NT5C2: variants seen among roughly 807,000 people sequenced by gnomAD.
The protein encoded by NT5C2 is cytosolic purine 5'-nucleotidase.
NT5C2 carries 58 observed loss-of-function variants against 76.1 expected under a neutral mutation model. That is an observed-to-expected ratio of 0.76 (90% CI 0.62 to 0.95). The LOEUF is 0.95. Ranked by LOEUF, NT5C2 falls within the 40% of genes least tolerant of loss-of-function variation. NT5C2 has a pLI of 0.00. For synonymous variants in NT5C2, 229 were observed against 237.4 expected (o/e 0.96, Z 0.32); for missense variants, 478 against 690.3 (o/e 0.69, Z 3.45).
chr10:103,101,246 A>T lies in NT5C2; in HGVS notation c.470T>A (p.Phe157Tyr). 1 of 1,593,648 alleles carries T rather than the reference A, an allele frequency of 6.3e-7. No individual in the cohort carries two copies. Among genetic ancestry groups the T allele is most frequent in the Non-Finnish European group, 8.6e-7 (1 of 1,161,772 alleles). Residue 157 changes from phenylalanine to tyrosine, a missense_variant, in exon 7 of 19, where the codon TTC (phenylalanine) becomes TAC (tyrosine). Coordinates refer to ENST00000404739, the MANE Select transcript of NT5C2 (RefSeq NM_001351169.2). ...TAGAATGAATCTACCTGGTAGGTTGAATAGTGTGTTCAGAATGTAAAATCT... is the reference window on the plus strand; with the variant it reads ...TAGAATGAATCTACCTGGTAGGTTGTATAGTGTGTTCAGAATGTAAAATCT... ...TERFYILNTL[F>Y]NLPETYLLAC...
At chr10:103,094,100 C>T (rs1375601189) in intron 13 of NT5C2, 62 bp from the exon 14 acceptor site, 2 of 1,342,038 alleles carry the variant, frequency 1.5e-6, no homozygotes, top group East Asian at 2.3e-5. Flanking sequence ...CCCCTCACCC[C>T]ACAACCCTCC....
intron 3 of NT5C2, among the ~76,000 whole-genome samples, chr10:103,163,414 A>G (rs1322924587): frequency 1.3e-5 from 2 of 152,218 alleles, no homozygotes; most frequent in Admixed American, 1.3e-4. Context: ...GAGAAGTTCC[A>G]GTGGCTCCAC....
intron 3 of NT5C2, chr10:103,153,150 A>G: frequency 2.3e-6 from 1 of 432,924 alleles, no homozygotes; most frequent in East Asian, 1.0e-4. Flanking sequence ...AAACACTATA[A>G]GATTTGGGCT....
Position 103,099,931 on chromosome 10 carries a change from A to G in NT5C2, c.628T>C (p.Tyr210His), listed in dbSNP as rs1228743384. 1 of 1,605,728 alleles carries G rather than the reference A, an allele frequency of 6.2e-7. No homozygotes were observed. Among genetic ancestry groups the G allele is most frequent in the Non-Finnish European group, 8.5e-7 (1 of 1,172,554 alleles). The change falls in exon 9 of 19, where the codon TAC becomes CAC. Residue 210 changes from tyrosine to histidine, a missense_variant. By Grantham distance (83) the Tyr-to-His change is moderately conservative. Coordinates refer to ENST00000404739, the MANE Select transcript of NT5C2 (RefSeq NM_001351169.2). ...AAGAAACAGCTTCTAGGTACCTTGT[A>G]ATGAACCCAGTCAACAGCATCTCTT... Reference protein sequence around the residue: ...DVRDAVDWVHYKGSLKEKTVE... With the variant: ...DVRDAVDWVHHKGSLKEKTVE...
intron 4 of NT5C2, among the ~76,000 whole-genome samples, chr10:103,113,551 T>A (rs2073591365): frequency 6.6e-6 from 1 of 152,010 alleles, no homozygotes; most frequent in African/African-American, 2.4e-5. Flanking sequence ...TATACTAAAG[T>A]TAGAAGAATT....
At chr10:103,116,278 T>C (rs971690116) in intron 4 of NT5C2, among the ~76,000 whole-genome samples, 5 of 152,202 alleles carry the variant, frequency 3.3e-5, no homozygotes, top group Non-Finnish European at 7.4e-5. Context: ...TAACAACTTT[T>C]GCTATTTTGG....
chr10:103,105,560 ATAAC>A (rs2071022693), intron 6 of NT5C2, 142 bp downstream of exon 6: 2 of 607,270 alleles, frequency 3.3e-6, no homozygotes, highest in African/African-American at 1.8e-5. Flanking sequence ...TGCCTAATAA[ATAAC>A]TGTTAACTAA....
intron 1 of NT5C2, among the ~76,000 whole-genome samples, chr10:103,191,743 A>C (rs894131199): frequency 6.7e-6 from 1 of 148,686 alleles, no homozygotes; most frequent in African/African-American, 2.5e-5. Context: ...CCTCCACCTT[A>C]TTTTACAGAT....
intron 4 of NT5C2, among the ~76,000 whole-genome samples, chr10:103,123,607 C>T (rs990735443): frequency 2.6e-5 from 4 of 152,100 alleles, no homozygotes; most frequent in Non-Finnish European, 4.4e-5. Flanking sequence ...TTTTCTAGTA[C>T]GTTTAATAAA....
intron 4 of NT5C2, among the ~76,000 whole-genome samples, chr10:103,134,447 G>A (rs895809265): frequency 1.3e-5 from 2 of 152,242 alleles, no homozygotes; most frequent in Admixed American, 6.5e-5. Flanking sequence ...CTTCCATGTG[G>A]TGTTGAGCCT....
chr10:103,110,324 C>T (rs560840793), intron 4 of NT5C2, among the ~76,000 whole-genome samples: 1 of 152,238 alleles, frequency 6.6e-6, no homozygotes, highest in South Asian at 2.1e-4. Context: ...GGCGTGGTGG[C>T]TCGCACCTGC....
chr10:103,129,163 G>A (rs2077390274), intron 4 of NT5C2, among the ~76,000 whole-genome samples: 1 of 112,798 alleles, frequency 8.9e-6, no homozygotes, highest in Non-Finnish European at 2.0e-5. Context: ...CCCCGTCCGG[G>A]AGGTGAGGGG....
intron 3 of NT5C2, among the ~76,000 whole-genome samples, chr10:103,165,942 T>G (rs1455619194): frequency 6.6e-6 from 1 of 152,242 alleles, no homozygotes; most frequent in Non-Finnish European, 1.5e-5. Context: ...AGTGCTGGGA[T>G]TACAGGCGTG....
intron 1 of NT5C2, among the ~76,000 whole-genome samples, chr10:103,183,241 T>G (rs1480742544): frequency 8.4e-6 from 1 of 119,554 alleles, no homozygotes; most frequent in Non-Finnish European, 1.8e-5. Context: ...TGAAAGGAGA[T>G]ATATATATAT....
At position 103,090,970 on chromosome 10, in the gene NT5C2, C is replaced by T. The variant is rs558105444; in HGVS notation, c.1238G>A (p.Arg413His). The T allele has an allele frequency of 3.1e-6, 5 of 1,613,822 alleles. No homozygotes were observed. Among genetic ancestry groups the T allele is most frequent in the East Asian group, 4.5e-5 (2 of 44,890 alleles). The change falls in exon 17 of 19, where the codon CGT (arginine) becomes CAT (histidine). Residue 413 changes from arginine to histidine, a missense_variant. Physicochemically the swap from Arg to His is conservative, Grantham distance 29 (BLOSUM62 0). Transcript: ENST00000404739. ...YKHLDSSSNERPDISSIQRRI... is the reference protein window; with the variant it reads ...YKHLDSSSNEHPDISSIQRRI... ...TCTCTGGATGGAACTGATGTCTGGA[C>T]GCTCATTGCTACTGCTGTCAAGATG...
At chr10:103,107,502 C>G (rs191913021) in intron 4 of NT5C2, among the ~76,000 whole-genome samples, 29 of 151,820 alleles carry the variant, frequency 1.9e-4, no homozygotes, top group Middle Eastern at 6.8e-3. Context: ...TGGTGAAACC[C>G]CCGTCTCTAT....
At chr10:103,104,595 A>T (rs1194868658) in intron 6 of NT5C2, among the ~76,000 whole-genome samples, 1 of 152,224 alleles carries the variant, frequency 6.6e-6, no homozygotes, top group African/African-American at 2.4e-5. Flanking sequence ...ATGTGGATGT[A>T]ATCACTGGCC....
intron 4 of NT5C2, among the ~76,000 whole-genome samples, chr10:103,121,833 C>T (rs2075729576): frequency 6.6e-6 from 1 of 152,116 alleles, no homozygotes; most frequent in Non-Finnish European, 1.5e-5. Context: ...AATGTATTTC[C>T]AATCCCCCTA....
intron 4 of NT5C2, among the ~76,000 whole-genome samples, chr10:103,115,838 A>G (rs2074213377): frequency 1.3e-5 from 2 of 152,086 alleles, no homozygotes; most frequent in Non-Finnish European, 2.9e-5. Context: ...CATATGTAAT[A>G]TATATATCTA....
Sources: gnomAD v4.1 joint callset for allele counts (sites outside exome capture counted in the v4.1 genomes callset) on GRCh38, gnomAD v4.1.1 for gene constraint, MANE v1.5 for transcripts, NCBI Gene and HGNC (gene_info 2026-07-23, HGNC 2026-07-21) for gene names.